Variants in LPIN2 observed in about 807,000 individuals in gnomAD.
LPIN2 encodes the protein phosphatidate phosphatase LPIN2.
A neutral mutation model predicts 111.4 loss-of-function variants in LPIN2; 55 were observed. That is an observed-to-expected ratio of 0.49 (90% CI 0.40 to 0.62). The LOEUF (loss-of-function observed/expected upper bound fraction) is 0.62, where lower values mean the gene tolerates loss of function less well. Ranked by LOEUF, LPIN2 falls within the 20% of genes least tolerant of loss-of-function variation. The pLI is 0.00. For synonymous variants in LPIN2, 425 were observed against 414.0 expected, an observed-to-expected ratio of 1.03 and a Z score of -0.32; for missense variants, 992 against 1,112.1, an observed-to-expected ratio of 0.89 and a Z score of 1.54.
intron 1 of LPIN2, among the ~76,000 whole-genome samples, chr18:2,998,339 GAGA>G (rs1286390050): frequency 6.6e-6 from 1 of 152,256 alleles, no homozygotes; most frequent in Non-Finnish European, 1.5e-5. Flanking sequence ...TTCAACAAGA[GAGA>G]AGGACTTCCA....
intron 18 of LPIN2, 84 bp from the exon 19 acceptor site, chr18:2,920,965 TGCACAGACAGACTCGACAGAAAACATGCG>T: frequency 1.1e-6 from 1 of 913,800 alleles, no homozygotes; most frequent in Non-Finnish European, 1.8e-6. Flanking sequence ...CCAGAAGCAC[TGCACAGACAGACTCGACAGAAAACATGCG>T]GAGGCGGCAC....
At chr18:2,981,810 A>T (rs2143374536) in intron 1 of LPIN2, among the ~76,000 whole-genome samples, 1 of 148,504 alleles carries the variant, frequency 6.7e-6, no homozygotes, top group South Asian at 2.1e-4. Flanking sequence ...ATTTTTAAAG[A>T]TAATAAACAT....
chr18:2,952,023 T>C (rs541368752), intron 3 of LPIN2, among the ~76,000 whole-genome samples: 1 of 152,238 alleles, frequency 6.6e-6, no homozygotes, highest in Non-Finnish European at 1.5e-5. Context: ...GTCAAACTCC[T>C]AATACTAAAT....
Position 2,920,222 on chromosome 18 carries a change from C to G in LPIN2, c.*71G>C, listed in dbSNP as rs1489695529. Reference sequence around the variant, plus strand: ...GGGGAAGGCTGGTATCTGAGGTCAGCAGAAGAGCCAGCTGCCTTCCCTTGC... The same window carrying G: ...GGGGAAGGCTGGTATCTGAGGTCAGGAGAAGAGCCAGCTGCCTTCCCTTGC... On this transcript the variant is annotated 3_prime_UTR_variant, in exon 20 of 20. Transcript: ENST00000677752. The G allele has an allele frequency of 1.3e-6, 2 of 1,599,414 alleles. No individual in the cohort carries two copies. Among genetic ancestry groups the G allele is most frequent in the Non-Finnish European group, 1.7e-6 (2 of 1,168,510 alleles).
chr18:2,974,955 T>C (rs528952536), intron 1 of LPIN2, among the ~76,000 whole-genome samples: 1 of 152,322 alleles, frequency 6.6e-6, no homozygotes, highest in South Asian at 2.1e-4. Flanking sequence ...GCCATGTTTG[T>C]GCCACTGCAC....
intron 1 of LPIN2, among the ~76,000 whole-genome samples, chr18:2,963,246 C>T (rs2077740298): frequency 6.6e-6 from 1 of 152,186 alleles, no homozygotes; most frequent in Non-Finnish European, 1.5e-5. Flanking sequence ...AAAGAGGCTT[C>T]CTCACCGTTA....
chr18:2,963,783 A>G (rs1159047942), intron 1 of LPIN2, among the ~76,000 whole-genome samples: 1 of 152,006 alleles, frequency 6.6e-6, no homozygotes, highest in Non-Finnish European at 1.5e-5. Context: ...ATTAAAGTGC[A>G]CTTGCTGATT....
At chr18:2,928,408 T>G (rs1568520842) in intron 11 of LPIN2, among the ~76,000 whole-genome samples, 183 bp downstream of exon 11, 1 of 152,218 alleles carries the variant, frequency 6.6e-6, no homozygotes, top group Non-Finnish European at 1.5e-5. Context: ...CCTGCTAATT[T>G]CCCAGAGTTT....
intron 1 of LPIN2, chr18:2,982,671 G>C (rs1479666861): frequency 3.9e-6 from 5 of 1,295,566 alleles, no homozygotes; most frequent in Non-Finnish European, 5.1e-6. Context: ...AACTCACCAA[G>C]ATACCAGGAG....
chr18:2,947,819 T>C (rs563318445), intron 4 of LPIN2, among the ~76,000 whole-genome samples: 10 of 152,342 alleles, frequency 6.6e-5, no homozygotes, highest in East Asian at 1.9e-4. Context: ...TTGATTTCCT[T>C]TTCTTTTTCT....
chr18:2,952,955 T>G (rs588707), intron 3 of LPIN2, among the ~76,000 whole-genome samples: 149,053 of 152,358 alleles, frequency 0.98, 72,992 homozygotes, highest in Middle Eastern at 1. Context: ...GAGAAAAAAA[T>G]CAAATAAATG....
At chr18:2,926,468 G>A (rs923117455) in intron 13 of LPIN2, among the ~76,000 whole-genome samples, 8 of 152,230 alleles carry the variant, frequency 5.3e-5, no homozygotes, top group African/African-American at 1.9e-4. Context: ...CAACATGGCT[G>A]AAGCGTTCCT....
At chr18:3,009,599 T>C (rs551675402) in intron 1 of LPIN2, among the ~76,000 whole-genome samples, 43 of 151,818 alleles carry the variant, frequency 2.8e-4, no homozygotes, top group Non-Finnish European at 4.9e-4. Flanking sequence ...TAACCACACC[T>C]GGCTAATTCT....
At chr18:2,926,124 A>G (rs1304065973) in intron 13 of LPIN2, among the ~76,000 whole-genome samples, 1 of 152,184 alleles carries the variant, frequency 6.6e-6, no homozygotes, top group Non-Finnish European at 1.5e-5. Flanking sequence ...GACTCTAGAA[A>G]AAAACAAAAA....
chr18:3,002,577 C>T (rs1429833897), intron 1 of LPIN2, among the ~76,000 whole-genome samples: 2 of 152,132 alleles, frequency 1.3e-5, no homozygotes, highest in African/African-American at 4.8e-5. Flanking sequence ...ATGGAAAAAT[C>T]TTAAGGATTA....
Position 2,937,822 on chromosome 18 carries a change from G to A in LPIN2, c.1038C>T (p.Leu346=), listed in dbSNP as rs772329259. The change falls in exon 7 of 20, where the codon CTC becomes CTT. Residue 346 remains leucine, a synonymous_variant. Transcript: ENST00000677752. The part of the protein sequence containing the change: ...MSDPTSVAEL[L]EPPLESTQIS... ...TCTGAGTACTCTCAAGAGGAGGTTC[G>A]AGAAGCTCTGCCACAGATGTTGGGT... is the stretch of plus-strand genomic sequence containing the variant. 27 of 1,613,996 alleles carry A rather than the reference G, an allele frequency of 1.7e-5. No homozygotes were observed. The highest frequency in any genetic ancestry group is 2.7e-5 in the African/African-American group (2 of 74,892).
intron 2 of LPIN2, among the ~76,000 whole-genome samples, chr18:2,959,108 C>T (rs2077667839): frequency 6.6e-6 from 1 of 152,096 alleles, no homozygotes; most frequent in East Asian, 1.9e-4. Flanking sequence ...GGCTAAATAA[C>T]ACTGTTTTGC....
intron 4 of LPIN2, among the ~76,000 whole-genome samples, chr18:2,941,877 T>G (rs1329990384): frequency 6.6e-6 from 1 of 152,132 alleles, no homozygotes. Flanking sequence ...TGAGCGGAGA[T>G]CGCACCACTG....
chr18:2,977,991 A>T (rs117007880), intron 1 of LPIN2, among the ~76,000 whole-genome samples: 1,857 of 152,170 alleles, frequency 0.012, 14 homozygotes, highest in Non-Finnish European at 0.019. Context: ...TCAAGAGTTC[A>T]AGACCAGCCT....
Sources: gnomAD v4.1 joint callset for allele counts (sites outside exome capture counted in the v4.1 genomes callset) on GRCh38, gnomAD v4.1.1 for gene constraint, MANE v1.5 for transcripts, NCBI Gene and HGNC (gene_info 2026-07-23, HGNC 2026-07-21) for gene names.